Variants in ZC3H12B observed in about 807,000 individuals in gnomAD.
The protein encoded by ZC3H12B is probable ribonuclease ZC3H12B.
ZC3H12B carries 7 observed loss-of-function variants against 43.9 expected under a neutral mutation model. The observed-to-expected ratio is 0.16, with a 90% CI of 0.09 to 0.30. ZC3H12B has a LOEUF of 0.30. Ranked by LOEUF, ZC3H12B falls within the 10% of genes least tolerant of loss-of-function variation. The pLI is 1.00. For synonymous variants in ZC3H12B, 222 were observed against 241.7 expected, an observed-to-expected ratio of 0.92 and a Z score of 0.76; for missense variants, 475 against 670.2, an observed-to-expected ratio of 0.71 and a Z score of 3.22.
the ZC3H12B span, among the ~76,000 whole-genome samples, chrX:65,256,530 A>G: frequency 1.8e-5 from 2 of 112,116 alleles, no homozygotes; most frequent in Non-Finnish European, 3.8e-5. Flanking sequence ...TCTGGGACAC[A>G]GCTAAAGGGG....
At chrX:65,382,765 T>TA (rs1482792499) in intron 2 of ZC3H12B, among the ~76,000 whole-genome samples, 1 of 111,465 alleles carries the variant, frequency 9.0e-6, no homozygotes, top group African/African-American at 3.3e-5. Context: ...TCTCAAAATA[T>TA]AAAATCAACG....
At chrX:65,499,162 T>G in exon 3 of ZC3H12B, 1 of 1,211,323 alleles carries the variant, frequency 8.3e-7, no homozygotes, top group South Asian at 1.8e-5. Flanking sequence ...ACCGAGACCT[T>G]CAAGTTGAAA....
At chrX:65,348,919 T>C in the ZC3H12B span, among the ~76,000 whole-genome samples, 1 of 111,252 alleles carries the variant, frequency 9.0e-6, no homozygotes, top group South Asian at 3.9e-4. Flanking sequence ...ACCATAATAG[T>C]GGGAGACTTT....
chrX:65,206,597 C>T, the ZC3H12B span, among the ~76,000 whole-genome samples: 63 of 110,933 alleles, frequency 5.7e-4, no homozygotes, highest in African/African-American at 1.6e-3. Flanking sequence ...TGGACATTGG[C>T]TTAGGCAAAG....
At chrX:65,331,771 A>G in the ZC3H12B span, among the ~76,000 whole-genome samples, 2 of 110,850 alleles carry the variant, frequency 1.8e-5, no homozygotes, top group Admixed American at 1.9e-4. Flanking sequence ...AGCAATCCCC[A>G]AAACTGAGTG....
At chrX:65,099,309 C>T in the ZC3H12B span, among the ~76,000 whole-genome samples, 2 of 111,885 alleles carry the variant, frequency 1.8e-5, no homozygotes, top group South Asian at 3.8e-4. Context: ...AATGTTCCTG[C>T]CTGCCAGCTC....
chrX:65,270,954 G>C, the ZC3H12B span: 1 of 112,240 alleles, frequency 8.9e-6, no homozygotes, highest in African/African-American at 3.2e-5. Flanking sequence ...AGACTGAAAA[G>C]TCATTTCAGA....
At chrX:65,316,264 A>G in the ZC3H12B span, among the ~76,000 whole-genome samples, 1 of 112,383 alleles carries the variant, frequency 8.9e-6, no homozygotes, top group Non-Finnish European at 1.9e-5. Flanking sequence ...AGGATAGTGT[A>G]CATGAAAACT....
chrX:65,231,537 C>T, the ZC3H12B span, among the ~76,000 whole-genome samples: 2 of 110,860 alleles, frequency 1.8e-5, no homozygotes, highest in Admixed American at 1.9e-4. Context: ...AACAGATACT[C>T]CCAGAGCGGC....
the ZC3H12B span, among the ~76,000 whole-genome samples, chrX:65,347,422 A>G: frequency 8.9e-6 from 1 of 112,029 alleles, no homozygotes; most frequent in Non-Finnish European, 1.9e-5. Flanking sequence ...AAAAGTGGGC[A>G]AAGGATATGA....
intron 2 of ZC3H12B, among the ~76,000 whole-genome samples, chrX:65,386,514 G>A (rs1445474072): frequency 9.0e-6 from 1 of 111,193 alleles, no homozygotes; most frequent in Non-Finnish European, 1.9e-5. Flanking sequence ...ATTTTTTATT[G>A]CATCTATTTG....
chrX:65,394,175 C>A (rs1274560693), intron 2 of ZC3H12B, among the ~76,000 whole-genome samples: 2 of 112,119 alleles, frequency 1.8e-5, no homozygotes, highest in African/African-American at 3.2e-5. Context: ...GAGATAGTTT[C>A]TTTTGCTGGG....
chrX:65,251,329 TG>T, the ZC3H12B span, among the ~76,000 whole-genome samples: 5 of 111,931 alleles, frequency 4.5e-5, no homozygotes, highest in Non-Finnish European at 9.4e-5. Context: ...CATGCTGTTT[TG>T]GTTACTGTAG....
In ZC3H12B at chrX:65,457,167, G is replaced by A. The variant is rs768721894; in HGVS notation, n.408-31479G>A. On this transcript the variant is annotated intron_variant and non_coding_transcript_variant, in intron 3 of 5. Transcript: ENST00000617377. Reference sequence around the variant, plus strand: ...TGGGAGGTGAGGAGCGTCTCTGCCCGGCTGCCCCGTCTGAGAAGTGAGGAA... The same window carrying A: ...TGGGAGGTGAGGAGCGTCTCTGCCCAGCTGCCCCGTCTGAGAAGTGAGGAA... Among the ~76,000 whole-genome samples the A allele has an allele frequency of 1.1e-4, 9 of 83,890 alleles. 1 individual carries two copies. The South Asian group carries it at 5.2e-3, about 48-fold the overall frequency. 72.8% of individuals were successfully genotyped at this position (83,890 alleles called of 115,157 possible). A position where few individuals can be genotyped will look rare whatever the true frequency, so the allele number is the denominator to read the frequency against.
the ZC3H12B span, among the ~76,000 whole-genome samples, chrX:65,164,198 A>T: frequency 1.5e-4 from 17 of 111,386 alleles, no homozygotes; most frequent in Non-Finnish European, 3.8e-5. Context: ...GTGGCCAGGG[A>T]CTAGGGAATA....
Position 65,393,833 on chromosome X carries a change from C to T in ZC3H12B, n.296-4760C>T, listed in dbSNP as rs760273078. 8.0e-5 allele frequency among the ~76,000 whole-genome samples: 9 copies of T among 112,027 alleles called. No homozygotes were observed. In the East Asian group the frequency reaches 8.4e-4, roughly 10 times the overall value. On this transcript the variant is annotated intron_variant and non_coding_transcript_variant, in intron 2 of 5. Coordinates refer to the ZC3H12B transcript ENST00000617377. ...TACCACCAAAAGTGTAAAAGCATTC[C>T]GATTTCTCTGCATCCTCTCCAGCAT...
chrX:65,162,717 C>G, the ZC3H12B span, among the ~76,000 whole-genome samples: 1 of 111,490 alleles, frequency 9.0e-6, no homozygotes, highest in Non-Finnish European at 1.9e-5. Context: ...TTTGAATTTC[C>G]TCCTGTAGCT....
the ZC3H12B span, among the ~76,000 whole-genome samples, chrX:65,122,824 G>GT: frequency 3.6e-5 from 4 of 111,427 alleles, no homozygotes; most frequent in Non-Finnish European, 7.6e-5. Context: ...CAATTCAACA[G>GT]GAAGAGCTAA....
chrX:65,372,501 A>AAGG (rs753486385), intron 2 of ZC3H12B, among the ~76,000 whole-genome samples: 2 of 83,429 alleles, frequency 2.4e-5, no homozygotes, highest in African/African-American at 1.0e-4. Flanking sequence ...GGAAGGAAGG[A>AAGG]AAGGAAGGAA....
Sources: gnomAD v4.1 joint callset for allele counts (sites outside exome capture counted in the v4.1 genomes callset) on GRCh38, gnomAD v4.1.1 for gene constraint, MANE v1.5 for transcripts, NCBI Gene and HGNC (gene_info 2026-07-23, HGNC 2026-07-21) for gene names.